UBE2K: variants seen among roughly 807,000 people sequenced by gnomAD.
The protein encoded by UBE2K is ubiquitin conjugating enzyme E2 K, also known as ubiquitin-conjugating enzyme E2 K.
Under a neutral mutation model 30.0 loss-of-function variants are expected in UBE2K, and 6 were observed. The ratio of observed to expected loss-of-function variants is 0.20; its 90% CI spans 0.11 to 0.39. The LOEUF (loss-of-function observed/expected upper bound fraction) is 0.39. Ranked by LOEUF, UBE2K falls within the 10% of genes least tolerant of loss-of-function variation. The pLI, the probability that UBE2K is intolerant of heterozygous loss-of-function variation, is 1.00. For synonymous variants in UBE2K, 86 were observed against 83.7 expected, an observed-to-expected ratio of 1.03 and a Z score of -0.15; for missense variants, 61 against 241.6, an observed-to-expected ratio of 0.25 and a Z score of 4.96.
chr4:39,757,578 T>TA (rs1711575599), intron 4 of UBE2K, among the ~76,000 whole-genome samples: 1 of 152,178 alleles, frequency 6.6e-6, no homozygotes. Context: ...ATATTCCATA[T>TA]AGATCAAGAC....
At chr4:39,721,235 T>C (rs534220014) in intron 1 of UBE2K, among the ~76,000 whole-genome samples, 2 of 152,306 alleles carry the variant, frequency 1.3e-5, no homozygotes, top group African/African-American at 4.8e-5. Context: ...GAAAGTTGAT[T>C]AGACAACTAG....
At chr4:39,710,175 C>G (rs1718588915) in intron 1 of UBE2K, 1 of 151,880 alleles carries the variant, frequency 6.6e-6, no homozygotes, top group South Asian at 2.1e-4. Context: ...CACTGCAAAA[C>G]CCTTTTTTTC....
At chr4:39,770,113 T>C (rs1367540954) in intron 4 of UBE2K, 1 of 1,581,606 alleles carries the variant, frequency 6.3e-7, no homozygotes, top group Non-Finnish European at 8.6e-7. Flanking sequence ...TCGGCCACAC[T>C]GGTCTCCAGC....
At chr4:39,721,716 G>A (rs1719429760) in intron 1 of UBE2K, among the ~76,000 whole-genome samples, 1 of 152,104 alleles carries the variant, frequency 6.6e-6, no homozygotes, top group Non-Finnish European at 1.5e-5. Flanking sequence ...CAGTACACTT[G>A]TATCCCCACT....
chr4:39,762,345 A>T (rs754545471), intron 4 of UBE2K, among the ~76,000 whole-genome samples: 1 of 151,888 alleles, frequency 6.6e-6, no homozygotes, highest in African/African-American at 2.4e-5. Context: ...TACAGACTTG[A>T]CCCCCTACTC....
Position 39,750,276 on chromosome 4 carries a change from T to C in UBE2K, c.216+4466T>C, listed in dbSNP as rs985007866. On this transcript the variant is annotated intron_variant, in intron 3 of 6. Transcript: ENST00000261427. ...AAACTGGAAGTTACAGATGGAAATA[T>C]GAACTCACATCTACAATGAAGTGGG... 5.3e-5 allele frequency among the ~76,000 whole-genome samples: 8 copies of C among 152,204 alleles called. No homozygotes were observed. The East Asian group carries it at 5.8e-4, about 11-fold the overall frequency.
intron 1 of UBE2K, among the ~76,000 whole-genome samples, chr4:39,711,148 T>C (rs1269359204): frequency 1.3e-5 from 2 of 150,692 alleles, no homozygotes; most frequent in African/African-American, 4.9e-5. Flanking sequence ...TGTATGTCTC[T>C]TGGAAACTTT....
At chr4:39,733,925 G>A (rs1052673345) in intron 1 of UBE2K, among the ~76,000 whole-genome samples, 2 of 152,010 alleles carry the variant, frequency 1.3e-5, no homozygotes, top group African/African-American at 2.4e-5. Context: ...TCGCTTGTGG[G>A]AGCAGGGGGA....
At chr4:39,767,079 G>T (rs564398037) in intron 4 of UBE2K, among the ~76,000 whole-genome samples, 21 of 152,154 alleles carry the variant, frequency 1.4e-4, no homozygotes, top group South Asian at 4.2e-4. Flanking sequence ...TAAAATTGTC[G>T]TGCATATTCT....
intron 3 of UBE2K, 44 bp downstream of exon 3, chr4:39,745,854 A>G (rs372688585): frequency 7.1e-7 from 1 of 1,410,582 alleles, no homozygotes; most frequent in Admixed American, 2.1e-5. Flanking sequence ...AAAATATTTT[A>G]TATTTCTGAC....
chr4:39,729,710 C>A (rs945106833), intron 1 of UBE2K, among the ~76,000 whole-genome samples: 13 of 152,094 alleles, frequency 8.5e-5, no homozygotes, highest in Non-Finnish European at 1.5e-5. Flanking sequence ...TTCTTCATGA[C>A]CCTGAATAAT....
intron 4 of UBE2K, among the ~76,000 whole-genome samples, chr4:39,774,325 CG>C (rs1713146297): frequency 6.6e-6 from 1 of 150,842 alleles, no homozygotes; most frequent in Non-Finnish European, 1.5e-5. Context: ...GAAAAAAGGC[CG>C]GGCGCAGGTG....
At chr4:39,712,776 T>A (rs1418074027) in intron 1 of UBE2K, among the ~76,000 whole-genome samples, 1 of 152,062 alleles carries the variant, frequency 6.6e-6, no homozygotes, top group Non-Finnish European at 1.5e-5. Flanking sequence ...GGTGGTTTAT[T>A]CTAATTTTTA....
intron 1 of UBE2K, among the ~76,000 whole-genome samples, chr4:39,703,844 CAAAAAAAA>C (rs33995934): frequency 8.6e-5 from 9 of 105,262 alleles, no homozygotes; most frequent in African/African-American, 1.2e-4. Flanking sequence ...GACTCCATCT[CAAAAAAAA>C]AAAAAAAAAA....
intron 1 of UBE2K, among the ~76,000 whole-genome samples, chr4:39,702,364 C>T (rs1718081624): frequency 6.7e-6 from 1 of 149,884 alleles, no homozygotes. Context: ...AAGCAATTCT[C>T]CTGCCTCGGC....
At chr4:39,698,857 C>G (rs1717848989) in intron 1 of UBE2K, among the ~76,000 whole-genome samples, 1 of 152,148 alleles carries the variant, frequency 6.6e-6, no homozygotes, top group South Asian at 2.1e-4. Context: ...CAGGCCTTCA[C>G]TGTTCTTTTC....
At chr4:39,761,835 T>C (rs1406595680) in intron 4 of UBE2K, among the ~76,000 whole-genome samples, 2 of 152,136 alleles carry the variant, frequency 1.3e-5, no homozygotes, top group South Asian at 2.1e-4. Flanking sequence ...CTTTATATTA[T>C]CGAAGATACA....
intron 1 of UBE2K, among the ~76,000 whole-genome samples, chr4:39,727,225 G>T (rs538145783): frequency 6.6e-6 from 1 of 152,210 alleles, no homozygotes; most frequent in African/African-American, 2.4e-5. Flanking sequence ...ACATACAGAG[G>T]ATTGTATTGT....
intron 4 of UBE2K, among the ~76,000 whole-genome samples, chr4:39,772,857 T>C (rs556544099): frequency 1.3e-5 from 2 of 151,468 alleles, no homozygotes; most frequent in South Asian, 4.2e-4. Flanking sequence ...CCAGCTAATT[T>C]TTGCATTTTT....
Sources: gnomAD v4.1 joint callset for allele counts (sites outside exome capture counted in the v4.1 genomes callset) on GRCh38, gnomAD v4.1.1 for gene constraint, MANE v1.5 for transcripts, NCBI Gene and HGNC (gene_info 2026-07-23, HGNC 2026-07-21) for gene names.